LONP2: variants seen among roughly 807,000 people sequenced by gnomAD.
The protein encoded by LONP2 is lon peptidase 2, peroxisomal.
LONP2 carries 60 observed loss-of-function variants against 85.6 expected under a neutral mutation model. The ratio of observed to expected loss-of-function variants is 0.70; its 90% CI spans 0.57 to 0.87. LONP2 has a LOEUF of 0.87. Among genes scored for constraint, LONP2 ranks in the 40% least tolerant of loss-of-function variants. The pLI, the probability that LONP2 is intolerant of heterozygous loss-of-function variation, is 0.00. For missense variants in LONP2, 860 were observed against 1,063.5 expected, an observed-to-expected ratio of 0.81 and a Z score of 2.66; for synonymous variants, 395 against 389.7, an observed-to-expected ratio of 1.01 and a Z score of -0.16.
At chr16:48,276,167 A>C (rs1479363418) in intron 7 of LONP2, among the ~76,000 whole-genome samples, 1 of 152,166 alleles carries the variant, frequency 6.6e-6, no homozygotes, top group Non-Finnish European at 1.5e-5. Flanking sequence ...TGAATGTGCT[A>C]ATTCCTTATA....
At chr16:48,256,048 G>A (rs1314277912) in intron 2 of LONP2, among the ~76,000 whole-genome samples, 1 of 152,138 alleles carries the variant, frequency 6.6e-6, no homozygotes, top group Non-Finnish European at 1.5e-5. Context: ...CTAATAATAT[G>A]CATCTAATAG....
At chr16:48,258,859 T>C in intron 4 of LONP2, 119 bp downstream of exon 4, 1 of 925,840 alleles carries the variant, frequency 1.1e-6, no homozygotes, top group Non-Finnish European at 1.5e-6. Flanking sequence ...AATTTAGGTG[T>C]TTCCCTCTCA....
intron 1 of LONP2, 121 bp downstream of exon 1, chr16:48,244,742 C>T (rs997864985): frequency 1.9e-4 from 121 of 626,704 alleles, no homozygotes; most frequent in Middle Eastern, 9.4e-4. Flanking sequence ...CGGCTCGGTT[C>T]CGCCTCTCTG....
intron 6 of LONP2, among the ~76,000 whole-genome samples, chr16:48,267,898 G>C (rs1354065146): frequency 2.0e-5 from 3 of 152,190 alleles, no homozygotes; most frequent in Admixed American, 2.0e-4. Context: ...TTACAGGTGT[G>C]AGCCACCGAG....
chr16:48,327,701 G>T (rs1022347826), intron 11 of LONP2, among the ~76,000 whole-genome samples: 1 of 152,074 alleles, frequency 6.6e-6, no homozygotes. Context: ...CAGGTGATCT[G>T]CCCGCCTCAG....
chr16:48,331,287 C>A (rs1482079068), intron 11 of LONP2, among the ~76,000 whole-genome samples: 1 of 152,188 alleles, frequency 6.6e-6, no homozygotes, highest in Non-Finnish European at 1.5e-5. Flanking sequence ...CATCTTTGAT[C>A]ATTGATACTG....
intron 8 of LONP2, among the ~76,000 whole-genome samples, chr16:48,281,266 G>A (rs998188551): frequency 3.9e-5 from 6 of 152,006 alleles, no homozygotes; most frequent in African/African-American, 1.4e-4. Context: ...GGATATGCCC[G>A]TTTCCTTGAC....
At chr16:48,343,296 C>A (rs750770676) in intron 12 of LONP2, among the ~76,000 whole-genome samples, 15 of 152,154 alleles carry the variant, frequency 9.9e-5, no homozygotes, top group Non-Finnish European at 1.9e-4. Flanking sequence ...TGCATGCTTA[C>A]AATTTCAATC....
At chr16:48,348,067 T>C in intron 13 of LONP2, 33 bp from the exon 14 acceptor site, 1 of 1,554,382 alleles carries the variant, frequency 6.4e-7, no homozygotes, top group Non-Finnish European at 8.7e-7. Context: ...GGTTTAATTT[T>C]TCTACATTAA....
intron 11 of LONP2, among the ~76,000 whole-genome samples, chr16:48,303,941 G>A (rs1972860740): frequency 6.6e-6 from 1 of 152,150 alleles, no homozygotes; most frequent in Admixed American, 6.5e-5. Context: ...TGATTAGATG[G>A]TGCCCACTCA....
intron 11 of LONP2, among the ~76,000 whole-genome samples, chr16:48,312,551 T>C (rs961826646): frequency 6.6e-6 from 1 of 152,142 alleles, no homozygotes; most frequent in Non-Finnish European, 1.5e-5. Context: ...ATAGACACTG[T>C]ATGATAGCCT....
intron 1 of LONP2, 40 bp from the exon 2 acceptor site, chr16:48,252,091 A>G: frequency 7.0e-7 from 1 of 1,437,770 alleles, no homozygotes; most frequent in Non-Finnish European, 9.4e-7. Flanking sequence ...GTTCTACCGT[A>G]TTGAATGTTT....
chr16:48,250,139 G>A (rs961111463), intron 1 of LONP2, among the ~76,000 whole-genome samples: 9 of 150,596 alleles, frequency 6.0e-5, no homozygotes, highest in African/African-American at 1.5e-4. Flanking sequence ...GCAATAAGCC[G>A]AGATCACGCC....
chr16:48,257,376 AACGTGG>A (rs1321221322), intron 3 of LONP2, among the ~76,000 whole-genome samples: 2 of 152,176 alleles, frequency 1.3e-5, no homozygotes, highest in Non-Finnish European at 2.9e-5. Flanking sequence ...ACTATTTTTA[AACGTGG>A]AGCCATGGCC....
chr16:48,296,192 A>G (rs776887175), intron 9 of LONP2, 27 bp downstream of exon 9: 2 of 1,606,404 alleles, frequency 1.2e-6, no homozygotes, highest in Non-Finnish European at 1.7e-6. Context: ...TCATTATGAT[A>G]CATCTTGCCT....
intron 12 of LONP2, chr16:48,334,809 C>T: frequency 1.8e-6 from 1 of 552,396 alleles, no homozygotes; most frequent in Non-Finnish European, 3.6e-6. Context: ...GGCTCGACCT[C>T]AAGGGTGATG....
chr16:48,280,074 G>A (rs1972294547), intron 8 of LONP2, among the ~76,000 whole-genome samples: 2 of 152,056 alleles, frequency 1.3e-5, no homozygotes, highest in Non-Finnish European at 2.9e-5. Context: ...TGGAGGTAAG[G>A]GTTTGATTTG....
chr16:48,279,624 C>T (rs1187696042), intron 8 of LONP2, among the ~76,000 whole-genome samples: 1 of 151,124 alleles, frequency 6.6e-6, no homozygotes, highest in Non-Finnish European at 1.5e-5. Flanking sequence ...GTTTTATGTT[C>T]TTAAGAAAAT....
At chr16:48,307,251 C>T (rs1240082735) in intron 11 of LONP2, among the ~76,000 whole-genome samples, 2 of 152,172 alleles carry the variant, frequency 1.3e-5, no homozygotes, top group Admixed American at 6.5e-5. Context: ...TAAAAGAATG[C>T]TGCCTCTGTT....
Sources: gnomAD v4.1 joint callset for allele counts (sites outside exome capture counted in the v4.1 genomes callset) on GRCh38, gnomAD v4.1.1 for gene constraint, MANE v1.5 for transcripts, NCBI Gene and HGNC (gene_info 2026-07-23, HGNC 2026-07-21) for gene names.